Variants in LNX1 observed in about 807,000 individuals in gnomAD.
LNX1 encodes the protein E3 ubiquitin-protein ligase LNX.
LNX1 carries 54 observed loss-of-function variants against 68.4 expected under a neutral mutation model. That is an observed-to-expected ratio of 0.79 (90% CI 0.63 to 0.99). LNX1 has a LOEUF of 0.99. LNX1 is among the 50% of genes least tolerant of loss of function. The pLI is 0.00. For synonymous variants in LNX1, 336 were observed against 350.0 expected, an observed-to-expected ratio of 0.96 and a Z score of 0.45; for missense variants, 906 against 926.4, an observed-to-expected ratio of 0.98 and a Z score of 0.29.
intron 6 of LNX1, among the ~76,000 whole-genome samples, chr4:53,494,833 A>T (rs1724935645): frequency 6.6e-6 from 1 of 152,256 alleles, no homozygotes; most frequent in South Asian, 2.1e-4. Flanking sequence ...AATAAAGCTC[A>T]CAGCTTATGA....
intron 9 of LNX1, among the ~76,000 whole-genome samples, chr4:53,464,220 T>A (rs983773604): frequency 1.4e-4 from 21 of 152,220 alleles, no homozygotes; most frequent in African/African-American, 5.1e-4. Flanking sequence ...TGGCCCCAAT[T>A]TATATGAACT....
At position 53,637,952 on chromosome 4, in the gene LNX1, G is replaced by T. The variant is rs116740871; in HGVS notation, c.-215+14216C>A. 7.1e-3 allele frequency among the ~76,000 whole-genome samples: 1,080 copies of T among 152,258 alleles called. 12 individuals are homozygous for T. The highest frequency in any genetic ancestry group is 0.024 in the African/African-American group (1,012 of 41,536). On this transcript the variant is annotated intron_variant, in intron 1 of 2. Coordinates refer to the LNX1 transcript ENST00000507168. ...GTTGATCTTGGAAGCAAGAGAGAAG[G>T]CTCCCACTGTGTATTCTTGAAACTA...
At chr4:53,639,414 C>T (rs920927342) in intron 1 of LNX1, among the ~76,000 whole-genome samples, 1 of 151,900 alleles carries the variant, frequency 6.6e-6, no homozygotes, top group African/African-American at 2.4e-5. Flanking sequence ...TCATTTGTAC[C>T]CCAAACCTAA....
chr4:53,545,671 AC>A (rs1729060087), intron 2 of LNX1, among the ~76,000 whole-genome samples: 1 of 151,912 alleles, frequency 6.6e-6, no homozygotes, highest in South Asian at 2.1e-4. Context: ...TTTAATTCTT[AC>A]CCCCATGAGG....
At chr4:53,585,248 C>T (rs1387847879) in intron 1 of LNX1, among the ~76,000 whole-genome samples, 1 of 152,114 alleles carries the variant, frequency 6.6e-6, no homozygotes, top group African/African-American at 2.4e-5. Flanking sequence ...CTCAGTAGGC[C>T]TTTAGAGTAC....
In LNX1 at chr4:53,493,234, T is replaced by A. The variant is rs528630880; in HGVS notation, c.1350+2789A>T. ...TGCCTGCCTCGGCCTCCCAAAGTGCTGGAATTAAAGATGTGAGCCACCACA... is the reference window on the plus strand; with the variant it reads ...TGCCTGCCTCGGCCTCCCAAAGTGCAGGAATTAAAGATGTGAGCCACCACA... On this transcript the variant is annotated intron_variant, in intron 6 of 10. Transcript: ENST00000263925. Among the ~76,000 whole-genome samples, 47 of 152,302 alleles carry A rather than the reference T, an allele frequency of 3.1e-4. No individual in the cohort carries two copies. In the East Asian group the frequency reaches 6.9e-3, roughly 23 times the overall value.
Position 53,575,736 on chromosome 4 carries a change from C to T in LNX1, c.-86-1648G>A, listed in dbSNP as rs573909897. 52 of 1,512,898 alleles carry T rather than the reference C, an allele frequency of 3.4e-5. No homozygotes were observed. The African/African-American group carries it at 3.9e-4, about 11-fold the overall frequency. The allele number at this position is 1,512,898 out of a possible 1,614,324, so 93.7% of individuals were successfully genotyped here. On this transcript the variant is annotated intron_variant, in intron 1 of 10. Transcript: ENST00000263925. ...GCAGTGTCTGCTGTGGGGGCCACAG[C>T]TCTGTATTGCATCATCCTGGTGGTA...
intron 4 of LNX1, among the ~76,000 whole-genome samples, chr4:53,501,300 G>GGGGGGGC (rs1725471419): frequency 4.7e-5 from 1 of 21,360 alleles, no homozygotes; most frequent in Non-Finnish European, 1.3e-4. Flanking sequence ...TTTTTTTTTT[G>GGGGGGGC]GGGGTGGGGG....
intron 1 of LNX1, among the ~76,000 whole-genome samples, chr4:53,583,208 T>C (rs1280588510): frequency 6.6e-6 from 1 of 152,198 alleles, no homozygotes; most frequent in African/African-American, 2.4e-5. Flanking sequence ...ATGGGCAGTG[T>C]TCTGTGGGCT....
chr4:53,460,975 T>G lies in LNX1; in HGVS notation c.2119A>C (p.Arg707=). Residue 707 remains arginine (R), a synonymous_variant, in exon 11 of 11, where the codon AGA becomes CGA. Coordinates refer to ENST00000263925, the MANE Select transcript of LNX1 (RefSeq NM_001126328.3). The part of the protein sequence containing the change: ...TSGMIHACLA[R]LLKELKGRIT... ...CTTCCTTTAAGTTCTTTCAGCAGTC[T>G]TGCCAAGCAAGCATGTATCATTCCT... The G allele has an allele frequency of 6.2e-7, 1 of 1,610,466 alleles. No individual in the cohort carries two copies. The highest frequency in any genetic ancestry group is 8.5e-7 in the Non-Finnish European group (1 of 1,178,276).
At chr4:53,566,524 G>T (rs1357224921) in intron 2 of LNX1, among the ~76,000 whole-genome samples, 1 of 149,742 alleles carries the variant, frequency 6.7e-6, no homozygotes, top group Non-Finnish European at 1.5e-5. Flanking sequence ...GGAACAACCG[G>T]TACCAGCCGC....
intron 2 of LNX1, among the ~76,000 whole-genome samples, chr4:53,600,188 T>C (rs1732935937): frequency 6.6e-6 from 1 of 152,218 alleles, no homozygotes; most frequent in Non-Finnish European, 1.5e-5. Context: ...TTGCTGTTTT[T>C]TATGCTGTCC....
intron 7 of LNX1, among the ~76,000 whole-genome samples, chr4:53,479,981 C>A (rs1207634205): frequency 2.0e-5 from 3 of 152,300 alleles, no homozygotes; most frequent in African/African-American, 2.4e-5. Flanking sequence ...GTAAACCATG[C>A]AAAATTTGAT....
At chr4:53,489,553 T>G (rs1724545822) in intron 6 of LNX1, among the ~76,000 whole-genome samples, 1 of 152,128 alleles carries the variant, frequency 6.6e-6, no homozygotes, top group African/African-American at 2.4e-5. Flanking sequence ...CTCTCATGAT[T>G]ATGTTCTATA....
chr4:53,652,435 C>T (rs1386750636), exon 1 of LNX1: 1 of 152,204 alleles, frequency 6.6e-6, no homozygotes, highest in African/African-American at 2.4e-5. Flanking sequence ...AGAGTGGTCC[C>T]CTGCAGAGCA....
At chr4:53,609,849 T>C (rs375183422) in intron 2 of LNX1, among the ~76,000 whole-genome samples, 1 of 147,714 alleles carries the variant, frequency 6.8e-6, no homozygotes, top group East Asian at 2.0e-4. Flanking sequence ...TATAAATAAA[T>C]CATGTAATTT....
chr4:53,507,823 C>A (rs1412944742), intron 3 of LNX1, among the ~76,000 whole-genome samples, 163 bp downstream of exon 3: 2 of 152,154 alleles, frequency 1.3e-5, no homozygotes, highest in East Asian at 1.9e-4. Context: ...GAGGTACTTG[C>A]GGTTTCATTT....
Position 53,507,304 on chromosome 4 carries a change from G to T in LNX1, c.775+13C>A, listed in dbSNP as rs1560633963. Reference sequence around the variant, plus strand: ...AGCCCATGTCCATCCAGCCTTATGGGGAGTTCATTTACCTTCAGGGGCAGT... The same window carrying T: ...AGCCCATGTCCATCCAGCCTTATGGTGAGTTCATTTACCTTCAGGGGCAGT... On this transcript the variant is annotated intron_variant, in intron 4 of 10. Coordinates refer to ENST00000263925, the MANE Select transcript of LNX1 (RefSeq NM_001126328.3). 1.2e-6 allele frequency: 2 copies of T among 1,613,038 alleles called. No homozygotes were observed. The highest frequency in any genetic ancestry group is 8.5e-7 in the Non-Finnish European group (1 of 1,179,498).
intron 1 of LNX1, among the ~76,000 whole-genome samples, chr4:53,651,291 AC>A (rs1364022222): frequency 6.6e-6 from 1 of 151,964 alleles, no homozygotes; most frequent in African/African-American, 2.4e-5. Flanking sequence ...GGGGAGCCCC[AC>A]CCCCATCCTG....
Sources: allele counts gnomAD v4.1 joint callset (sites outside exome capture counted in the v4.1 genomes callset), GRCh38; gene constraint gnomAD v4.1.1; transcripts MANE v1.5; gene names NCBI Gene and HGNC (gene_info 2026-07-23, HGNC 2026-07-21).